Variants in HMCN1 observed in about 807,000 individuals in gnomAD.
HMCN1 encodes hemicentin 1, also known as hemicentin-1.
HMCN1 carries 321 observed loss-of-function variants against 625.9 expected under a neutral mutation model. The observed-to-expected ratio is 0.51, with a 90% CI of 0.47 to 0.56. HMCN1 has a LOEUF of 0.56. Ranked by LOEUF, HMCN1 falls within the 20% of genes least tolerant of loss-of-function variation. The probability of loss-of-function intolerance (pLI) is 0.00; values close to 1 mark genes in which losing one functional copy is unlikely to be tolerated. For synonymous variants in HMCN1, 2,425 were observed against 2,417.6 expected, an observed-to-expected ratio of 1.00 and a Z score of -0.09; for missense variants, 6,588 against 6,887.3, an observed-to-expected ratio of 0.96 and a Z score of 1.54.
chr1:185,857,701 G>A (rs1160568083), intron 2 of HMCN1, among the ~76,000 whole-genome samples: 1 of 152,086 alleles, frequency 6.6e-6, no homozygotes, highest in East Asian at 1.9e-4. Flanking sequence ...GTCAAGCTCA[G>A]GCTGAGTATG....
chr1:185,864,137 G>A (rs1663035325), intron 2 of HMCN1, among the ~76,000 whole-genome samples: 1 of 152,136 alleles, frequency 6.6e-6, no homozygotes, highest in South Asian at 2.1e-4. Flanking sequence ...CAATAAGCAA[G>A]GTCATCAAAT....
intron 70 of HMCN1, among the ~76,000 whole-genome samples, chr1:186,107,172 G>T (rs772104820): frequency 6.6e-6 from 1 of 151,940 alleles, no homozygotes; most frequent in Non-Finnish European, 1.5e-5. Context: ...TGCAAGCTCC[G>T]CCTCCTGGGT....
chr1:185,995,287 G>A (rs1049421513), intron 24 of HMCN1, among the ~76,000 whole-genome samples, 200 bp downstream of exon 24: 1 of 152,036 alleles, frequency 6.6e-6, no homozygotes, highest in Non-Finnish European at 1.5e-5. Flanking sequence ...ATTTTTGTAT[G>A]TTTACTTTTG....
rs750096748 is a variant in HMCN1 at position 185,923,392 on chromosome 1, A to G, written c.1024A>G (p.Ile342Val). 2 of 1,607,446 alleles carry G rather than the reference A, an allele frequency of 1.2e-6. No homozygotes were observed. Among genetic ancestry groups the G allele is most frequent in the Non-Finnish European group, 1.7e-6 (2 of 1,175,132 alleles). ...KKTVSRPVQGIPTYVLLNTSG... is the reference protein window; with the variant it reads ...KKTVSRPVQGVPTYVLLNTSG... ...ATAACAAAATCTTTCTCTTGTAGGAATACCTACCTATGTACTGCTCAATAC... is the reference window on the plus strand; with the variant it reads ...ATAACAAAATCTTTCTCTTGTAGGAGTACCTACCTATGTACTGCTCAATAC... Residue 342 changes from isoleucine to valine, a missense_variant and splice_region_variant, in exon 8 of 107, where the codon ATA (isoleucine) becomes GTA (valine). This residue lies in a region of HMCN1 where 4,628 missense variants were observed against 4,853.1 expected (regional missense o/e 0.95). Coordinates refer to ENST00000271588, the MANE Select transcript of HMCN1 (RefSeq NM_031935.3).
chr1:185,999,841 C>G (rs1056766440), intron 25 of HMCN1, among the ~76,000 whole-genome samples: 1 of 152,084 alleles, frequency 6.6e-6, no homozygotes, highest in African/African-American at 2.4e-5. Context: ...TACCATAGGT[C>G]TCTTAAGACC....
intron 1 of HMCN1, among the ~76,000 whole-genome samples, chr1:185,792,768 G>A (rs1000218678): frequency 1.3e-5 from 2 of 152,092 alleles, no homozygotes; most frequent in East Asian, 1.9e-4. Context: ...GGTACTTCAC[G>A]GTTGAGGCTG....
At chr1:186,125,461 A>G in intron 81 of HMCN1, 143 bp from the exon 82 acceptor site, 1 of 672,834 alleles carries the variant, frequency 1.5e-6, no homozygotes, top group Non-Finnish European at 2.6e-6. Flanking sequence ...GCAGGAAGCA[A>G]ATCAATATCT....
At chr1:185,957,694 C>A (rs1163267721) in intron 11 of HMCN1, among the ~76,000 whole-genome samples, 4 of 152,082 alleles carry the variant, frequency 2.6e-5, no homozygotes, top group Non-Finnish European at 5.9e-5. Context: ...TGATGTTTTT[C>A]TGTATGAACA....
intron 1 of HMCN1, among the ~76,000 whole-genome samples, chr1:185,788,655 A>T (rs1657788144): frequency 1.3e-5 from 2 of 152,198 alleles, no homozygotes; most frequent in Admixed American, 1.3e-4. Flanking sequence ...ATAATGGAAT[A>T]TCACTGAAAC....
At chr1:185,934,570 A>C (rs1441922914) in intron 11 of HMCN1, among the ~76,000 whole-genome samples, 1 of 152,174 alleles carries the variant, frequency 6.6e-6, no homozygotes, top group Non-Finnish European at 1.5e-5. Context: ...TGGCTTCTAA[A>C]AGTCTAAAGA....
At chr1:186,096,143 A>G (rs190293419) in intron 68 of HMCN1, among the ~76,000 whole-genome samples, 240 of 152,286 alleles carry the variant, frequency 1.6e-3, no homozygotes, top group Non-Finnish European at 2.6e-3. Flanking sequence ...ACTGTGAAGT[A>G]AGTGAGACTC....
intron 1 of HMCN1, among the ~76,000 whole-genome samples, chr1:185,844,417 A>C (rs901639383): frequency 6.6e-6 from 1 of 152,200 alleles, no homozygotes; most frequent in African/African-American, 2.4e-5. Context: ...ATGGCAGACA[A>C]ATTGTACCTC....
chr1:185,949,203 C>G lies in HMCN1; in HGVS notation c.1829-13315C>G, dbSNP rs1420925339. ...TATCAGCTGTGATGGCTTGGAAAAA[C>G]AGTGTAAACCGGCAGTGTAAACAAG... On this transcript the variant is annotated intron_variant, in intron 11 of 106. Transcript: ENST00000271588. 4.0e-5 allele frequency among the ~76,000 whole-genome samples: 6 copies of G among 151,748 alleles called. 1 individual carries two copies. Among genetic ancestry groups the G allele is most frequent in the Admixed American group, 1.3e-4 (2 of 15,238 alleles).
chr1:185,957,290 T>C (rs560873475), intron 11 of HMCN1: 1 of 152,314 alleles, frequency 6.6e-6, no homozygotes, highest in African/African-American at 2.4e-5. Flanking sequence ...CACCCCAATT[T>C]AGAAACAAAA....
intron 11 of HMCN1, among the ~76,000 whole-genome samples, chr1:185,939,535 C>G (rs745433558): frequency 6.6e-6 from 1 of 151,952 alleles, no homozygotes; most frequent in Non-Finnish European, 1.5e-5. Context: ...TTTTGTTTTT[C>G]TTTTTTAAGA....
At chr1:185,956,743 G>A (rs527710603) in intron 11 of HMCN1, among the ~76,000 whole-genome samples, 61 of 152,226 alleles carry the variant, frequency 4.0e-4, no homozygotes, top group African/African-American at 1.4e-3. Context: ...TTGAGGGTGG[G>A]GTTGGAAGTT....
intron 1 of HMCN1, among the ~76,000 whole-genome samples, chr1:185,776,268 A>C (rs1007545067): frequency 6.6e-6 from 1 of 152,138 alleles, no homozygotes; most frequent in African/African-American, 2.4e-5. Context: ...ATTGGAGAGC[A>C]CAGATGTCTT....
intron 36 of HMCN1, among the ~76,000 whole-genome samples, chr1:186,032,747 AAAAAAAAAAAG>A (rs869263183): frequency 8.7e-3 from 259 of 29,676 alleles, no homozygotes; most frequent in Admixed American, 0.014. Context: ...AAGTAAAAAG[AAAAAAAAAAAG>A]AAAAAAAAAG....
chr1:185,905,656 T>C (rs917560113), intron 4 of HMCN1, among the ~76,000 whole-genome samples: 4 of 151,846 alleles, frequency 2.6e-5, no homozygotes, highest in African/African-American at 9.7e-5. Flanking sequence ...TAATAATGTG[T>C]GATGGTTTTG....
Sources: allele counts gnomAD v4.1 joint callset (sites outside exome capture counted in the v4.1 genomes callset), GRCh38; gene constraint gnomAD v4.1.1; regional missense constraint gnomAD v4.1.1; transcripts MANE v1.5; gene names NCBI Gene and HGNC (gene_info 2026-07-23, HGNC 2026-07-21).